IL1RAPL1: variants seen among roughly 807,000 people sequenced by gnomAD.
IL1RAPL1 encodes the protein interleukin-1 receptor accessory protein-like 1.
In IL1RAPL1, 3 loss-of-function variants were observed where a neutral mutation model predicts 48.4. The observed-to-expected ratio is 0.06, with a 90% CI of 0.03 to 0.16. The LOEUF (loss-of-function observed/expected upper bound fraction) is 0.16, where lower values mean the gene tolerates loss of function less well. IL1RAPL1 is among the 10% of genes least tolerant of loss of function. The pLI is 1.00. For missense variants in IL1RAPL1, 349 were observed against 530.6 expected, an observed-to-expected ratio of 0.66 and a Z score of 3.36; for synonymous variants, 185 against 187.7, an observed-to-expected ratio of 0.99 and a Z score of 0.12.
chrX:29,281,402 A>G (rs1932199475), intron 2 of IL1RAPL1, among the ~76,000 whole-genome samples: 1 of 111,481 alleles, frequency 9.0e-6, no homozygotes, highest in Non-Finnish European at 1.9e-5. Flanking sequence ...GTTGTTTTGT[A>G]TGCATGTGCA....
At chrX:28,759,494 A>G (rs1312715612) in intron 1 of IL1RAPL1, among the ~76,000 whole-genome samples, 3 of 110,791 alleles carry the variant, frequency 2.7e-5, no homozygotes, top group Non-Finnish European at 5.7e-5. Context: ...GATTTTATAA[A>G]CATACTAATC....
intron 2 of IL1RAPL1, among the ~76,000 whole-genome samples, chrX:28,833,020 G>C (rs1921108340): frequency 9.1e-6 from 1 of 109,664 alleles, no homozygotes; most frequent in South Asian, 3.9e-4. Flanking sequence ...ATGTTCATGA[G>C]TACCCAATGT....
At chrX:29,268,392 G>A (rs927267516) in intron 2 of IL1RAPL1, among the ~76,000 whole-genome samples, 1 of 112,298 alleles carries the variant, frequency 8.9e-6, no homozygotes, top group Non-Finnish European at 1.9e-5. Flanking sequence ...TAATTTCAGA[G>A]TAAATGCTTA....
intron 1 of IL1RAPL1, among the ~76,000 whole-genome samples, chrX:28,718,457 G>C (rs559126713): frequency 9.0e-6 from 1 of 111,379 alleles, no homozygotes; most frequent in South Asian, 3.7e-4. Context: ...ATACAAGAGT[G>C]AATTTCTATG....
chrX:29,640,316 C>T (rs1925128012), intron 5 of IL1RAPL1, among the ~76,000 whole-genome samples: 1 of 111,630 alleles, frequency 9.0e-6, no homozygotes, highest in Non-Finnish European at 1.9e-5. Context: ...GAGGGAGGTT[C>T]AATCCCAGAG....
intron 2 of IL1RAPL1, among the ~76,000 whole-genome samples, chrX:29,144,920 G>T (rs1485854154): frequency 9.2e-6 from 1 of 108,443 alleles, no homozygotes; most frequent in Non-Finnish European, 1.9e-5. Flanking sequence ...GTAGAGACAG[G>T]GTTTCACTAT....
intron 2 of IL1RAPL1, among the ~76,000 whole-genome samples, chrX:29,045,828 T>C (rs926365705): frequency 1.9e-4 from 21 of 111,066 alleles, no homozygotes; most frequent in African/African-American, 6.5e-4. Context: ...GTCTGTCATG[T>C]TCCTAAATTC....
intron 1 of IL1RAPL1, among the ~76,000 whole-genome samples, chrX:28,662,514 A>G (rs1220301951): frequency 9.0e-6 from 1 of 111,635 alleles, no homozygotes; most frequent in Non-Finnish European, 1.9e-5. Flanking sequence ...AGAATTGGAT[A>G]GGGTGTGAGT....
At chrX:29,361,208 G>A (rs1382362478) in intron 3 of IL1RAPL1, among the ~76,000 whole-genome samples, 1 of 111,618 alleles carries the variant, frequency 9.0e-6, no homozygotes, top group Non-Finnish European at 1.9e-5. Context: ...ATAGAATCTA[G>A]CTCTATGCGA....
chrX:29,002,007 T>C (rs1234786645), intron 2 of IL1RAPL1, among the ~76,000 whole-genome samples: 1 of 108,854 alleles, frequency 9.2e-6, no homozygotes, highest in East Asian at 2.9e-4. Flanking sequence ...GCAATTCTCC[T>C]GCCTCAGCCT....
chrX:29,761,583 A>G (rs1276765479), intron 6 of IL1RAPL1, among the ~76,000 whole-genome samples: 4 of 112,057 alleles, frequency 3.6e-5, no homozygotes, highest in African/African-American at 1.3e-4. Flanking sequence ...TGAAATAGAC[A>G]CTAATAAGGC....
intron 1 of IL1RAPL1, among the ~76,000 whole-genome samples, chrX:28,756,183 C>T (rs1274171836): frequency 1.8e-5 from 2 of 111,879 alleles, no homozygotes; most frequent in Non-Finnish European, 3.8e-5. Flanking sequence ...CTTGCTTCTC[C>T]AGGAGACTTT....
intron 1 of IL1RAPL1, among the ~76,000 whole-genome samples, chrX:28,714,537 G>A (rs1383669541): frequency 8.9e-6 from 1 of 111,890 alleles, no homozygotes; most frequent in East Asian, 2.8e-4. Flanking sequence ...CAGGAACTCA[G>A]ACCAAGACAC....
In IL1RAPL1 at chrX:29,815,876, T is replaced by C. The variant is rs899919153; in HGVS notation, c.779-101588T>C. On this transcript the variant is annotated intron_variant, in intron 6 of 10. Coordinates refer to ENST00000378993, the MANE Select transcript of IL1RAPL1 (RefSeq NM_014271.4). ...ATCATATAGTTTTTGTTTTTAATTT[T>C]GTTTATGTGGCAAATTGCATTGATT... Among the ~76,000 whole-genome samples, 3 of 111,534 alleles carry C rather than the reference T, an allele frequency of 2.7e-5. No homozygotes were observed. The Admixed American group carries it at 2.9e-4, about 11-fold the overall frequency.
chrX:29,924,743 C>G (rs769093785), intron 8 of IL1RAPL1, among the ~76,000 whole-genome samples: 2 of 111,859 alleles, frequency 1.8e-5, no homozygotes, highest in African/African-American at 6.5e-5. Flanking sequence ...AAGTATCTAT[C>G]TGAGAGACTC....
intron 5 of IL1RAPL1, among the ~76,000 whole-genome samples, chrX:29,613,755 G>T (rs867224514): frequency 3.7e-5 from 3 of 80,249 alleles, no homozygotes; most frequent in African/African-American, 1.7e-4. Context: ...GTGTGTGTGT[G>T]TGTTTCTTTT....
intron 3 of IL1RAPL1, among the ~76,000 whole-genome samples, chrX:29,382,041 A>G (rs969515086): frequency 2.7e-4 from 29 of 109,244 alleles, no homozygotes; most frequent in Admixed American, 9.9e-5. Context: ...CCACCAAGGT[A>G]GTCAATTTAC....
chrX:29,655,829 C>T (rs140283970), intron 5 of IL1RAPL1, among the ~76,000 whole-genome samples: 16,166 of 110,461 alleles, frequency 0.15, 1,237 homozygotes, highest in African/African-American at 0.29. Context: ...AATAAAGTAA[C>T]GTAACCGCAC....
intron 1 of IL1RAPL1, among the ~76,000 whole-genome samples, chrX:28,656,678 G>A (rs142323917): frequency 6.0e-3 from 668 of 111,518 alleles, no homozygotes; most frequent in African/African-American, 0.018. Context: ...ATTGCCTTGC[G>A]TTGATAGTGT....
Sources: gnomAD v4.1 joint callset for allele counts (sites outside exome capture counted in the v4.1 genomes callset) on GRCh38, gnomAD v4.1.1 for gene constraint, MANE v1.5 for transcripts, NCBI Gene and HGNC (gene_info 2026-07-23, HGNC 2026-07-21) for gene names.